Variants in SLX4IP observed in about 807,000 individuals in gnomAD.
The protein encoded by SLX4IP is SLX4 interacting protein, also known as protein SLX4IP.
Under a neutral mutation model 32.9 loss-of-function variants are expected in SLX4IP, and 34 were observed. The observed-to-expected ratio is 1.03, with a 90% confidence interval of 0.79 to 1.38. The LOEUF (loss-of-function observed/expected upper bound fraction) is 1.38, where lower values mean the gene tolerates loss of function less well. Among genes scored for constraint, SLX4IP ranks in the 40% most tolerant of loss-of-function variants. SLX4IP has a pLI of 0.00. For synonymous variants in SLX4IP, 172 were observed against 171.7 expected (o/e 1.00, Z -0.01); for missense variants, 444 against 479.0 (o/e 0.93, Z 0.68).
intron 1 of SLX4IP, among the ~76,000 whole-genome samples, chr20:10,437,265 C>T (rs2065122845): frequency 6.6e-6 from 1 of 152,122 alleles, no homozygotes; most frequent in Non-Finnish European, 1.5e-5. Flanking sequence ...TGCAGGAAAG[C>T]AGGCATGAGC....
intron 2 of SLX4IP, among the ~76,000 whole-genome samples, chr20:10,515,944 A>C (rs747312365): frequency 1.3e-5 from 2 of 152,168 alleles, no homozygotes; most frequent in Non-Finnish European, 2.9e-5. Context: ...GTTGGAGTAC[A>C]CTGGCGTGAT....
chr20:10,598,495 C>T (rs550674163), intron 4 of SLX4IP, among the ~76,000 whole-genome samples, 180 bp from the exon 5 acceptor site: 1 of 152,328 alleles, frequency 6.6e-6, no homozygotes, highest in Admixed American at 6.5e-5. Context: ...AACTCCTGAC[C>T]TCAAGTGATC....
chr20:10,593,253 T>G (rs749667433), intron 4 of SLX4IP, among the ~76,000 whole-genome samples: 137 of 152,350 alleles, frequency 9.0e-4, no homozygotes, highest in Non-Finnish European at 1.9e-3. Context: ...ATAATTTTAT[T>G]TCTTTGAAAT....
In SLX4IP at chr20:10,625,624, C is replaced by T. The variant is rs1483486260; in HGVS notation, c.*2245C>T. On this transcript the variant is annotated 3_prime_UTR_variant, in exon 8 of 8. Transcript: ENST00000334534. Reference sequence around the variant, plus strand: ...AGAATGATTCTCTGTCAGGAAAAGTCTTGGCTTTAGAGTTTGTTATAGTTG... The same window carrying T: ...AGAATGATTCTCTGTCAGGAAAAGTTTTGGCTTTAGAGTTTGTTATAGTTG... 6.6e-6 allele frequency: 1 copy of T among 152,148 alleles called. No individual in the cohort carries two copies. The highest frequency in any genetic ancestry group is 1.5e-5 in the Non-Finnish European group (1 of 68,040). 9.4% of individuals were successfully genotyped at this position (152,148 alleles called of 1,614,324 possible).
intron 2 of SLX4IP, among the ~76,000 whole-genome samples, chr20:10,531,277 A>G (rs2065987068): frequency 6.6e-6 from 1 of 152,236 alleles, no homozygotes; most frequent in Non-Finnish European, 1.5e-5. Context: ...GTAGATGGAC[A>G]GATACAGTTT....
At chr20:10,519,620 G>T (rs2065886620) in intron 2 of SLX4IP, among the ~76,000 whole-genome samples, 1 of 152,170 alleles carries the variant, frequency 6.6e-6, no homozygotes. Context: ...CCATTTATCA[G>T]TTGAGGGACA....
At chr20:10,527,503 CT>C (rs1388041104) in intron 2 of SLX4IP, among the ~76,000 whole-genome samples, 2 of 152,176 alleles carry the variant, frequency 1.3e-5, no homozygotes, top group Non-Finnish European at 2.9e-5. Context: ...AGCCCCTTTA[CT>C]TCTTTCTGTA....
rs2067141749 is a variant in SLX4IP at position 10,623,562 on chromosome 20, A to G, written c.*183A>G. 6.0e-6 allele frequency: 5 copies of G among 834,454 alleles called. No homozygotes were observed. In the East Asian group the frequency reaches 1.1e-4, roughly 18 times the overall value. 51.7% of individuals were successfully genotyped at this position (834,454 alleles called of 1,614,324 possible). A position where few individuals can be genotyped will look rare whatever the true frequency, so the allele number is the denominator to read the frequency against. On this transcript the variant is annotated 3_prime_UTR_variant, in exon 8 of 8. Transcript: ENST00000334534. ...AAAGCATTTCAAACCGGGAGGCTAT[A>G]TGCTTGTTCTAACAGCGTTGCTTCT...
At chr20:10,538,563 T>G (rs1038445042) in intron 2 of SLX4IP, among the ~76,000 whole-genome samples, 1 of 151,636 alleles carries the variant, frequency 6.6e-6, no homozygotes, top group Non-Finnish European at 1.5e-5. Context: ...TCTCACTCTG[T>G]CGCCCAGGCT....
intron 2 of SLX4IP, among the ~76,000 whole-genome samples, chr20:10,484,114 G>T (rs1351716849): frequency 6.6e-6 from 1 of 152,036 alleles, no homozygotes; most frequent in Non-Finnish European, 1.5e-5. Context: ...AGGCTCCCAT[G>T]TCACACTTAT....
chr20:10,577,589 C>T (rs1286305323), intron 4 of SLX4IP, among the ~76,000 whole-genome samples: 1 of 152,170 alleles, frequency 6.6e-6, no homozygotes, highest in African/African-American at 2.4e-5. Flanking sequence ...GGTGTGACAG[C>T]ACGTACCTCT....
At chr20:10,598,888 G>T (rs896862717) in intron 5 of SLX4IP, 136 bp downstream of exon 5, 84 of 847,416 alleles carry the variant, frequency 9.9e-5, no homozygotes, top group Non-Finnish European at 1.1e-4. Context: ...CCGAAAGTTT[G>T]CGATTTCTTT....
At chr20:10,475,277 A>G (rs1211761537) in intron 2 of SLX4IP, among the ~76,000 whole-genome samples, 1 of 152,228 alleles carries the variant, frequency 6.6e-6, no homozygotes, top group Non-Finnish European at 1.5e-5. Flanking sequence ...ATGAGATGAG[A>G]ATCCCTGGGG....
intron 2 of SLX4IP, among the ~76,000 whole-genome samples, chr20:10,473,257 A>G (rs1307275901): frequency 2.0e-5 from 3 of 152,192 alleles, no homozygotes; most frequent in Non-Finnish European, 1.5e-5. Flanking sequence ...GGTTGAAACC[A>G]CTGGGGTCAG....
intron 2 of SLX4IP, among the ~76,000 whole-genome samples, chr20:10,465,383 T>C (rs1337712162): frequency 1.3e-5 from 2 of 152,240 alleles, no homozygotes; most frequent in African/African-American, 2.4e-5. Context: ...GCTTTTATGC[T>C]ACAATGAAGT....
chr20:10,621,999 G>A (rs947475140), intron 7 of SLX4IP, among the ~76,000 whole-genome samples: 1 of 152,146 alleles, frequency 6.6e-6, no homozygotes, highest in Non-Finnish European at 1.5e-5. Flanking sequence ...AAGTTACATT[G>A]TCTGTTGTGC....
At chr20:10,518,490 T>TTTCCTTCCTTCCTTCC (rs201990578) in intron 2 of SLX4IP, among the ~76,000 whole-genome samples, 3 of 65,834 alleles carry the variant, frequency 4.6e-5, no homozygotes, top group African/African-American at 1.4e-4. Flanking sequence ...TTCCTTTCCT[T>TTTCCTTCCTTCCTTCC]TTCCTTCCTT....
At chr20:10,613,457 A>G (rs2066991332) in intron 6 of SLX4IP, 3 of 1,595,224 alleles carry the variant, frequency 1.9e-6, no homozygotes, top group Non-Finnish European at 2.6e-6. Context: ...TTTTCTTGAG[A>G]GCAGATTTTT....
chr20:10,571,231 GC>G (rs2066462361), intron 4 of SLX4IP, among the ~76,000 whole-genome samples: 1 of 152,186 alleles, frequency 6.6e-6, no homozygotes, highest in African/African-American at 2.4e-5. Flanking sequence ...CAGTCTGGCT[GC>G]TTAGGAGTAT....
Sources: gnomAD v4.1 joint callset for allele counts (sites outside exome capture counted in the v4.1 genomes callset) on GRCh38, gnomAD v4.1.1 for gene constraint, MANE v1.5 for transcripts, NCBI Gene and HGNC (gene_info 2026-07-23, HGNC 2026-07-21) for gene names.